Variants in FGF1 observed in about 807,000 individuals in gnomAD.
The protein encoded by FGF1 is beta-endothelial cell growth factor.
A neutral mutation model predicts 13.4 loss-of-function variants in FGF1; 9 were observed. That is an observed-to-expected ratio of 0.67 (90% confidence interval 0.40 to 1.17). The LOEUF is 1.17. FGF1 is among the 50% of genes most tolerant of loss of function. The pLI, the probability that FGF1 is intolerant of heterozygous loss-of-function variation, is 0.01. For synonymous variants in FGF1, 93 were observed against 79.0 expected (o/e 1.18, Z -0.94); for missense variants, 156 against 192.7 (o/e 0.81, Z 1.13).
intron 2 of FGF1, among the ~76,000 whole-genome samples, chr5:142,610,080 G>A (rs1377764063): frequency 6.6e-6 from 1 of 152,180 alleles, no homozygotes; most frequent in African/African-American, 2.4e-5. Flanking sequence ...TCCCAGTTAG[G>A]AGCTGGTCAC....
intron 1 of FGF1, among the ~76,000 whole-genome samples, chr5:142,670,407 A>G (rs1771230753): frequency 6.6e-6 from 1 of 152,200 alleles, no homozygotes; most frequent in East Asian, 1.9e-4. Flanking sequence ...TTCAAGGCCT[A>G]TGTCAAATGC....
At chr5:142,659,054 G>A (rs930819863) in intron 1 of FGF1, among the ~76,000 whole-genome samples, 11 of 152,232 alleles carry the variant, frequency 7.2e-5, no homozygotes, top group African/African-American at 9.6e-5. Context: ...TGGTGTTGGC[G>A]TGTGTTGGGG....
intron 1 of FGF1, among the ~76,000 whole-genome samples, chr5:142,615,307 T>C (rs1759998140): frequency 6.6e-6 from 1 of 151,934 alleles, no homozygotes; most frequent in Non-Finnish European, 1.5e-5. Flanking sequence ...AACCTTGGCC[T>C]CCCGGGTCCC....
intron 1 of FGF1, among the ~76,000 whole-genome samples, chr5:142,649,236 C>A (rs1766763323): frequency 6.6e-6 from 1 of 152,188 alleles, no homozygotes; most frequent in Non-Finnish European, 1.5e-5. Context: ...GTGTGACACA[C>A]ATCAACAGCT....
At chr5:142,612,785 G>C (rs755933514) in intron 2 of FGF1, among the ~76,000 whole-genome samples, 25 of 152,182 alleles carry the variant, frequency 1.6e-4, no homozygotes, top group Non-Finnish European at 3.1e-4. Context: ...TGCAGTGGGT[G>C]GGGAGGAAGG....
At chr5:142,640,961 T>C (rs1765110308) in intron 1 of FGF1, among the ~76,000 whole-genome samples, 1 of 151,884 alleles carries the variant, frequency 6.6e-6, no homozygotes, top group South Asian at 2.1e-4. Flanking sequence ...GCTCGGTGAA[T>C]ATCTGTTGGT....
chr5:142,640,943 T>G (rs12523624), intron 1 of FGF1, among the ~76,000 whole-genome samples: 61,924 of 151,794 alleles, frequency 0.41, 13,580 homozygotes, highest in Non-Finnish European at 0.49. Context: ...TCCATATACT[T>G]AGTAGATGCT....
At chr5:142,606,242 G>GTA (rs1554076320) in intron 2 of FGF1, among the ~76,000 whole-genome samples, 2,002 of 147,960 alleles carry the variant, frequency 0.014, 34 homozygotes, top group East Asian at 0.084. Flanking sequence ...GTGTGTGTGT[G>GTA]TGTATGTAGT....
At chr5:142,660,805 G>A (rs1163179289) in intron 1 of FGF1, among the ~76,000 whole-genome samples, 1 of 152,178 alleles carries the variant, frequency 6.6e-6, no homozygotes, top group Non-Finnish European at 1.5e-5. Flanking sequence ...CAGTCTATCT[G>A]CCAGGCCTAG....
intron 1 of FGF1, among the ~76,000 whole-genome samples, chr5:142,647,005 C>T (rs1766277196): frequency 6.6e-6 from 1 of 152,216 alleles, no homozygotes; most frequent in South Asian, 2.1e-4. Flanking sequence ...CACCAGTTTT[C>T]AGCACCCAAT....
At chr5:142,596,313 T>G (rs1179994999) in intron 3 of FGF1, among the ~76,000 whole-genome samples, 1 of 149,734 alleles carries the variant, frequency 6.7e-6, no homozygotes, top group Non-Finnish European at 1.5e-5. Flanking sequence ...CTACAATTTT[T>G]TTTTTAATTA....
intron 1 of FGF1, chr5:142,643,999 T>G (rs1765605802): frequency 6.6e-6 from 1 of 152,232 alleles, no homozygotes; most frequent in Non-Finnish European, 1.5e-5. Flanking sequence ...GCAGAGAACA[T>G]TTTCCCGACT....
At chr5:142,631,341 G>A (rs371438305) in intron 1 of FGF1, among the ~76,000 whole-genome samples, 9 of 152,118 alleles carry the variant, frequency 5.9e-5, no homozygotes, top group African/African-American at 1.9e-4. Context: ...CAGGAAATAC[G>A]TCCACTAACC....
At chr5:142,599,839 AT>A (rs5871818) in intron 3 of FGF1, among the ~76,000 whole-genome samples, 10,468 of 152,254 alleles carry the variant, frequency 0.069, 594 homozygotes, top group African/African-American at 0.14. Context: ...ATGCCTCTCC[AT>A]TGCAGCTCAT....
chr5:142,667,585 C>CA (rs747487970), intron 1 of FGF1, among the ~76,000 whole-genome samples: 4,154 of 61,380 alleles, frequency 0.068, 107 homozygotes, highest in Non-Finnish European at 0.078. Flanking sequence ...GACTCCGTCT[C>CA]AAAAAAAAAA....
At chr5:142,615,041 T>C (rs1033772734) in intron 1 of FGF1, among the ~76,000 whole-genome samples, 2 of 152,148 alleles carry the variant, frequency 1.3e-5, no homozygotes, top group African/African-American at 2.4e-5. Flanking sequence ...TACAAACTTA[T>C]ATTATTAATG....
chr5:142,654,982 GCT>G (rs1415058106), intron 1 of FGF1, among the ~76,000 whole-genome samples: 1 of 152,222 alleles, frequency 6.6e-6, no homozygotes, highest in Non-Finnish European at 1.5e-5. Flanking sequence ...CCGGGCCTCA[GCT>G]CTGGCCCACC....
At position 142,608,579 on chromosome 5, in the gene FGF1, TATATACAC is replaced by T. The variant is rs1293713000; in HGVS notation, c.169+5372_169+5379del. On this transcript the variant is annotated intron_variant, in intron 2 of 3. Transcript: ENST00000337706. ...ATATATATATATATATATATATATA[TATATACAC>T]ACACACACACATATATGTAAATATA... is the stretch of plus-strand genomic sequence containing the variant. Among the ~76,000 whole-genome samples the T allele has an allele frequency of 4.0e-3, 312 of 77,206 alleles. 2 individuals carry two copies. Among genetic ancestry groups the T allele is most frequent in the African/African-American group, 0.019 (291 of 15,440 alleles). 50.7% of individuals were successfully genotyped at this position (77,206 alleles called of 152,430 possible). A position where few individuals can be genotyped will look rare whatever the true frequency, so the allele number is the denominator to read the frequency against.
intron 1 of FGF1, among the ~76,000 whole-genome samples, chr5:142,658,619 C>T (rs1018869665): frequency 2.6e-5 from 4 of 152,144 alleles, no homozygotes; most frequent in African/African-American, 9.7e-5. Context: ...GACACACACA[C>T]GCACACACTC....
Sources: allele counts gnomAD v4.1 joint callset (sites outside exome capture counted in the v4.1 genomes callset), GRCh38; gene constraint gnomAD v4.1.1; transcripts MANE v1.5; gene names NCBI Gene and HGNC (gene_info 2026-07-23, HGNC 2026-07-21).